The following ADAMTS18 variants were observed in gnomAD, a reference collection of about 807,000 sequenced individuals.
The protein encoded by ADAMTS18 is A disintegrin and metalloproteinase with thrombospondin motifs 18.
A neutral mutation model predicts 165.9 loss-of-function variants in ADAMTS18; 157 were observed. The ratio of observed to expected loss-of-function variants is 0.95; its 90% CI spans 0.83 to 1.08. The LOEUF is 1.08. Ranked by LOEUF, ADAMTS18 falls within the 50% of genes least tolerant of loss-of-function variation. ADAMTS18 has a pLI of 0.00. For missense variants in ADAMTS18, 2,040 were observed against 1,534.0 expected (o/e 1.33, Z -5.51); for synonymous variants, 782 against 578.2 (o/e 1.35, Z -5.06).
rs36191323 is a variant in ADAMTS18, at chr16:77,314,753, C to CATATATATATATAT, written c.2532+5082_2532+5095dup. ...GTTTGCTAAATATGGTCTCAGGTTTCATATATATATATATATATATATATA... is the reference window on the plus strand; with the variant it reads ...GTTTGCTAAATATGGTCTCAGGTTTCATATATATATATATATATATATATATATATATATATATA... On this transcript the variant is annotated intron_variant, in intron 16 of 22. Transcript: ENST00000282849. Among the ~76,000 whole-genome samples the CATATATATATATAT allele has an allele frequency of 1.3e-3, 48 of 36,908 alleles. 4 individuals are homozygous for CATATATATATATAT. Among genetic ancestry groups the CATATATATATATAT allele is most frequent in the East Asian group, 6.5e-3 (10 of 1,538 alleles). The allele number at this position is 36,908 out of a possible 152,430, so 24.2% of individuals were successfully genotyped here.
intron 3 of ADAMTS18, among the ~76,000 whole-genome samples, chr16:77,380,600 T>C (rs1597201021): frequency 6.6e-6 from 1 of 152,348 alleles, no homozygotes; most frequent in East Asian, 1.9e-4. Context: ...TACATTTTAA[T>C]ATTAAAAAAT....
At chr16:77,313,604 G>A (rs893862067) in intron 16 of ADAMTS18, among the ~76,000 whole-genome samples, 5 of 152,020 alleles carry the variant, frequency 3.3e-5, no homozygotes, top group African/African-American at 4.8e-5. Context: ...GTCATGAAGC[G>A]GTAAAAAACG....
chr16:77,380,864 T>A (rs556759047), intron 3 of ADAMTS18, among the ~76,000 whole-genome samples: 1 of 152,220 alleles, frequency 6.6e-6, no homozygotes, highest in Non-Finnish European at 1.5e-5. Context: ...TTTTTGTTGT[T>A]TTAATTTTAT....
At chr16:77,325,430 C>T (rs930403283) in intron 13 of ADAMTS18, among the ~76,000 whole-genome samples, 3 of 152,080 alleles carry the variant, frequency 2.0e-5, no homozygotes, top group African/African-American at 7.2e-5. Context: ...CGTGCATGCA[C>T]ACACTCTACA....
At chr16:77,341,001 T>C (rs558195747) in intron 11 of ADAMTS18, among the ~76,000 whole-genome samples, 117 of 152,304 alleles carry the variant, frequency 7.7e-4, no homozygotes, top group African/African-American at 2.8e-3. Flanking sequence ...TCCTCTTTGA[T>C]TGGCCTTTCA....
intron 12 of ADAMTS18, among the ~76,000 whole-genome samples, chr16:77,327,104 G>C (rs1597126735): frequency 6.6e-6 from 1 of 152,164 alleles, no homozygotes; most frequent in Admixed American, 6.5e-5. Context: ...CTGTTGATGG[G>C]CATTCAGGTT....
At chr16:77,419,040 T>C (rs1001510542) in intron 3 of ADAMTS18, among the ~76,000 whole-genome samples, 3 of 151,992 alleles carry the variant, frequency 2.0e-5, no homozygotes, top group Admixed American at 6.5e-5. Context: ...TCCCAGCTAC[T>C]CAGAAGGCTG....
At chr16:77,432,770 TAA>T (rs398042239) in intron 2 of ADAMTS18, among the ~76,000 whole-genome samples, 2 of 144,380 alleles carry the variant, frequency 1.4e-5, no homozygotes, top group African/African-American at 2.6e-5. Context: ...CCTCCTCCAA[TAA>T]AAAAAAAAAA....
At chr16:77,388,485 G>C (rs2057140484) in intron 3 of ADAMTS18, among the ~76,000 whole-genome samples, 1 of 152,156 alleles carries the variant, frequency 6.6e-6, no homozygotes, top group Admixed American at 6.5e-5. Context: ...CCACAGACTG[G>C]AACCAAATGT....
intron 12 of ADAMTS18, among the ~76,000 whole-genome samples, chr16:77,329,992 G>A: frequency 6.6e-6 from 1 of 152,074 alleles, no homozygotes; most frequent in Admixed American, 6.6e-5. Context: ...GAATCACTTG[G>A]AGAGCTCTGT....
intron 10 of ADAMTS18, among the ~76,000 whole-genome samples, chr16:77,349,088 C>G (rs916142951): frequency 6.6e-6 from 1 of 152,122 alleles, no homozygotes; most frequent in Non-Finnish European, 1.5e-5. Context: ...ATAATAGTAT[C>G]AAATAGTATG....
intron 8 of ADAMTS18, among the ~76,000 whole-genome samples, chr16:77,358,812 CTAA>C: frequency 6.6e-6 from 1 of 152,268 alleles, no homozygotes; most frequent in African/African-American, 2.4e-5. Flanking sequence ...TGCTATTGCT[CTAA>C]TGTTTGAAAA....
At chr16:77,320,429 A>AG (rs1336727339) in intron 15 of ADAMTS18, among the ~76,000 whole-genome samples, 2 of 152,202 alleles carry the variant, frequency 1.3e-5, no homozygotes, top group East Asian at 3.9e-4. Context: ...ACCCAAGGTC[A>AG]GGAGTTTGAG....
chr16:77,320,116 G>C, intron 15 of ADAMTS18, 23 bp from the exon 16 acceptor site: 1 of 1,613,938 alleles, frequency 6.2e-7, no homozygotes, highest in East Asian at 2.2e-5. Flanking sequence ...AAGAGAACAT[G>C]TCTGAATTCC....
At chr16:77,431,261 A>G in intron 3 of ADAMTS18, 34 bp downstream of exon 3, 1 of 1,612,912 alleles carries the variant, frequency 6.2e-7, no homozygotes, top group Non-Finnish European at 8.5e-7. Flanking sequence ...AAAACACGAA[A>G]GAGGGAGCTC....
chr16:77,324,678 C>T (rs774052045), intron 13 of ADAMTS18, among the ~76,000 whole-genome samples: 1 of 152,144 alleles, frequency 6.6e-6, no homozygotes. Context: ...TGTTGACAGG[C>T]TGTTAAGGAA....
chr16:77,405,916 G>A lies in ADAMTS18; in HGVS notation c.495+25379C>T, dbSNP rs76794167. On this transcript the variant is annotated intron_variant, in intron 3 of 22. Coordinates refer to ENST00000282849, the MANE Select transcript of ADAMTS18 (RefSeq NM_199355.4). ...AGATCCTACTTCCAAATATATCAGG[G>A]TTGGAAGATGAGAAAGTGACGATCT... Among the ~76,000 whole-genome samples, 620 of 152,078 alleles carry A rather than the reference G, an allele frequency of 4.1e-3. 8 individuals carry two copies. The highest frequency in any genetic ancestry group is 0.014 in the African/African-American group (601 of 41,472).
At chr16:77,303,772 G>A (rs1009689883) in intron 16 of ADAMTS18, among the ~76,000 whole-genome samples, 3 of 152,184 alleles carry the variant, frequency 2.0e-5, no homozygotes, top group Non-Finnish European at 4.4e-5. Context: ...GGGGGCTCGC[G>A]CCTGTAATCC....
chr16:77,431,136 G>A (rs555035227), intron 3 of ADAMTS18, among the ~76,000 whole-genome samples, 159 bp downstream of exon 3: 1 of 152,286 alleles, frequency 6.6e-6, no homozygotes, highest in African/African-American at 2.4e-5. Flanking sequence ...TTTTCTGGGA[G>A]CACATTAGAT....
Sources: allele counts gnomAD v4.1 joint callset (sites outside exome capture counted in the v4.1 genomes callset), GRCh38; gene constraint gnomAD v4.1.1; transcripts MANE v1.5; gene names NCBI Gene and HGNC (gene_info 2026-07-23, HGNC 2026-07-21).